Variants in SHROOM3 observed in about 807,000 individuals in gnomAD.
SHROOM3 encodes shroom family member 3.
In SHROOM3, 47 loss-of-function variants were observed where a neutral mutation model predicts 138.6. That is an observed-to-expected ratio of 0.34 (90% CI 0.27 to 0.43). The LOEUF (loss-of-function observed/expected upper bound fraction) is 0.43. SHROOM3 is among the 20% of genes least tolerant of loss of function. The pLI is 1.00. For missense variants in SHROOM3, 2,491 were observed against 2,596.5 expected (o/e 0.96, Z 0.88); for synonymous variants, 1,062 against 1,063.3 (o/e 1.00, Z 0.02).
intron 1 of SHROOM3, 70 bp downstream of exon 1, chr4:76,436,290 G>T: frequency 6.4e-7 from 1 of 1,551,594 alleles, no homozygotes; most frequent in Admixed American, 1.7e-5. Flanking sequence ...TGTCAAAAAT[G>T]CAAAATAATG....
At chr4:76,764,405 T>C (rs1297713389) in intron 9 of SHROOM3, among the ~76,000 whole-genome samples, 1 of 152,252 alleles carries the variant, frequency 6.6e-6, no homozygotes, top group African/African-American at 2.4e-5. Context: ...AGGAATCTAT[T>C]GTTCCTCTGA....
At chr4:76,485,422 A>G (rs1691605380) in intron 1 of SHROOM3, among the ~76,000 whole-genome samples, 1 of 152,234 alleles carries the variant, frequency 6.6e-6, no homozygotes, top group South Asian at 2.1e-4. Context: ...TTAGAAATAA[A>G]TATTTAGGGA....
In SHROOM3 at chr4:76,663,687, G is replaced by A. The variant is rs113108614; in HGVS notation, c.324-46469G>A. ...TGGGATTATAGGTGCACACTGCTGC[G>A]CACAGCTTTGGTTTTTAATTGGATT... On this transcript the variant is annotated intron_variant, in intron 2 of 10. Transcript: ENST00000296043. Among the ~76,000 whole-genome samples, 10 of 152,104 alleles carry A rather than the reference G, an allele frequency of 6.6e-5. No homozygotes were observed. In the South Asian group the frequency reaches 8.3e-4, roughly 13 times the overall value.
At chr4:76,737,275 T>A (rs1721100510) in intron 4 of SHROOM3, among the ~76,000 whole-genome samples, 1 of 152,090 alleles carries the variant, frequency 6.6e-6, no homozygotes, top group Non-Finnish European at 1.5e-5. Flanking sequence ...TTTTTTTTTT[T>A]TTAAGTAATG....
chr4:76,439,696 C>G (rs1478609369), intron 1 of SHROOM3, among the ~76,000 whole-genome samples: 1 of 152,196 alleles, frequency 6.6e-6, no homozygotes, highest in Non-Finnish European at 1.5e-5. Flanking sequence ...TTGAGTCACA[C>G]ATATGAAAGG....
At chr4:76,759,454 G>T in intron 8 of SHROOM3, 91 bp from the exon 9 acceptor site, 1 of 1,496,596 alleles carries the variant, frequency 6.7e-7, no homozygotes, top group South Asian at 1.1e-5. Context: ...AAATAGAATT[G>T]TTACGCACTT....
intron 2 of SHROOM3, among the ~76,000 whole-genome samples, chr4:76,618,571 C>A (rs1675372426): frequency 6.6e-6 from 1 of 152,236 alleles, no homozygotes; most frequent in Non-Finnish European, 1.5e-5. Flanking sequence ...CCAGTTTCAC[C>A]TATTGCCCCC....
Position 76,661,010 on chromosome 4 carries a change from T to A in SHROOM3, c.324-49146T>A, listed in dbSNP as rs1030970653. ...GACAGTGTCTCACTGTTACCCAAGC[T>A]TGTCTTGAACTCCTGGCCTCAAGTG... On this transcript the variant is annotated intron_variant, in intron 2 of 10. Transcript: ENST00000296043. 3.3e-5 allele frequency among the ~76,000 whole-genome samples: 5 copies of A among 151,694 alleles called. No individual in the cohort carries two copies. The East Asian group carries it at 9.7e-4, about 29-fold the overall frequency.
chr4:76,471,488 C>T lies in SHROOM3; in HGVS notation c.168+35268C>T, dbSNP rs577627646. On this transcript the variant is annotated intron_variant, in intron 1 of 10. Transcript: ENST00000296043. ...CGATCTCCTGACCTTGTGATCCACCCACCTTGGCCTCCCAAAGTGCTGGGA... is the reference window on the plus strand; with the variant it reads ...CGATCTCCTGACCTTGTGATCCACCTACCTTGGCCTCCCAAAGTGCTGGGA... Among the ~76,000 whole-genome samples the T allele has an allele frequency of 2.9e-3, 443 of 152,234 alleles. 3 individuals are homozygous for T. Among genetic ancestry groups the T allele is most frequent in the Admixed American group, 5.4e-3 (82 of 15,296 alleles).
At chr4:76,497,352 C>T (rs2109997075) in intron 1 of SHROOM3, among the ~76,000 whole-genome samples, 2 of 152,280 alleles carry the variant, frequency 1.3e-5, no homozygotes, top group African/African-American at 4.8e-5. Context: ...AAATAATTCC[C>T]ACATTTAGTG....
chr4:76,479,977 G>C (rs760128724), intron 1 of SHROOM3, among the ~76,000 whole-genome samples: 1 of 152,166 alleles, frequency 6.6e-6, no homozygotes, highest in South Asian at 2.1e-4. Flanking sequence ...TCTGAAGGAA[G>C]CACTAAATAT....
intron 2 of SHROOM3, among the ~76,000 whole-genome samples, chr4:76,603,560 C>T (rs954198021): frequency 6.6e-6 from 1 of 151,966 alleles, no homozygotes; most frequent in African/African-American, 2.4e-5. Flanking sequence ...TGGAATAAGA[C>T]CACCATCTTG....
intron 2 of SHROOM3, among the ~76,000 whole-genome samples, chr4:76,633,656 CAAAAAA>C (rs869138315): frequency 1.8e-4 from 16 of 88,742 alleles, no homozygotes; most frequent in East Asian, 1.4e-3. Flanking sequence ...GACTCCGTCT[CAAAAAA>C]AAAAAAAAAA....
chr4:76,777,080 G>A (rs925718174), intron 10 of SHROOM3, among the ~76,000 whole-genome samples: 1 of 152,100 alleles, frequency 6.6e-6, no homozygotes, highest in Non-Finnish European at 1.5e-5. Flanking sequence ...GGCTATGCGG[G>A]CTCTTTTTTG....
chr4:76,778,908 A>T lies in SHROOM3; in HGVS notation c.5722A>T (p.Ile1908Phe). Residue 1908 changes from isoleucine to phenylalanine, a missense_variant, in exon 11 of 11, where the codon ATC (isoleucine) becomes TTC (phenylalanine). Physicochemically the swap from Ile to Phe is conservative, Grantham distance 21. Transcript: ENST00000296043. ...TCGCAGGGAGCGAGTAGTGCTGGGC[A>T]TCTTGGCCAATTACCTTTCAGAGGA... ...LDRRERVVLG[I>F]LANYLSEEQL... is the part of the protein sequence containing the mutation. 6.2e-7 allele frequency: 1 copy of T among 1,613,690 alleles called. No individual in the cohort carries two copies.
At chr4:76,678,119 AAAAGTAAACAGGAGCT>A (rs1346564151) in intron 2 of SHROOM3, among the ~76,000 whole-genome samples, 2 of 152,230 alleles carry the variant, frequency 1.3e-5, no homozygotes, top group Non-Finnish European at 2.9e-5. Context: ...GACTGCCAAC[AAAAGTAAACAGGAGCT>A]ACATTTAATT....
chr4:76,740,208 G>GA lies in SHROOM3; in HGVS notation c.2036dup (p.Leu680AlafsTer32). 1 of 1,613,616 alleles carries GA rather than the reference G, an allele frequency of 6.2e-7. No individual in the cohort carries two copies. On this transcript the variant is annotated frameshift_variant, in exon 5 of 11. Transcript: ENST00000296043. LOFTEE classifies it high-confidence loss of function. The surrounding 1 kb of genome is among the most constrained non-coding windows in gnomAD (Gnocchi z 4.0). Reference sequence around the variant, plus strand: ...GAGTCTGAGAAGACACAGCAGCCTGGAGCTAGGCCGGGGAACCCAGGAGGG... The same window carrying GA: ...GAGTCTGAGAAGACACAGCAGCCTGGAAGCTAGGCCGGGGAACCCAGGAGGG...
rs975613683 is a variant in SHROOM3, at chr4:76,781,081, G to A, written c.*1904G>A. ...ACACTCTTCGAGATGACCATTTTTC[G>A]GGATTTGACTGGGGAACATTTTACA... On this transcript the variant is annotated 3_prime_UTR_variant, in exon 11 of 11. Coordinates refer to ENST00000296043, the MANE Select transcript of SHROOM3 (RefSeq NM_020859.4). 1 of 152,098 alleles carries A rather than the reference G, an allele frequency of 6.6e-6. No homozygotes were observed. Among genetic ancestry groups the A allele is most frequent in the African/African-American group, 2.4e-5 (1 of 41,404 alleles). 9.4% of individuals were successfully genotyped at this position (152,098 alleles called of 1,614,324 possible).
At chr4:76,681,253 CCAAG>C (rs979141872) in intron 2 of SHROOM3, among the ~76,000 whole-genome samples, 3 of 152,136 alleles carry the variant, frequency 2.0e-5, no homozygotes, top group African/African-American at 7.2e-5. Context: ...AGAACCTCTC[CCAAG>C]CATGTCCTGT....
Sources: gnomAD v4.1 joint callset for allele counts (sites outside exome capture counted in the v4.1 genomes callset) on GRCh38, gnomAD v4.1.1 for gene constraint, Gnocchi (gnomAD v3.1) non-coding constraint, MANE v1.5 for transcripts, NCBI Gene and HGNC (gene_info 2026-07-23, HGNC 2026-07-21) for gene names.